The following TAP1 variants were observed in gnomAD, a reference collection of about 807,000 sequenced individuals.
TAP1 encodes the protein antigen peptide transporter 1.
Under a neutral mutation model 79.3 loss-of-function variants are expected in TAP1, and 56 were observed. That is an observed-to-expected ratio of 0.71 (90% CI 0.57 to 0.88). The LOEUF (loss-of-function observed/expected upper bound fraction) is 0.88. Among genes scored for constraint, TAP1 ranks in the 40% least tolerant of loss-of-function variants. The pLI, the probability that TAP1 is intolerant of heterozygous loss-of-function variation, is 0.00. For synonymous variants in TAP1, 355 were observed against 401.4 expected (o/e 0.88, Z 1.38); for missense variants, 737 against 936.3 (o/e 0.79, Z 2.78).
chr6:32,848,108 G>A lies in TAP1; in HGVS notation c.1567-16C>T. The A allele has an allele frequency of 6.3e-7, 1 of 1,582,152 alleles. No individual in the cohort carries two copies. The highest frequency in any genetic ancestry group is 8.6e-7 in the Non-Finnish European group (1 of 1,164,052). On this transcript the variant is annotated splice_polypyrimidine_tract_variant and intron_variant, in intron 7 of 10. Coordinates refer to ENST00000354258, the MANE Select transcript of TAP1 (RefSeq NM_000593.6). ...ATGTCAGCCCCTAGAGGCCAGAGAA[G>A]CACACGATAAGAGGCTACCAAGGCC...
At chr6:32,848,114 G>A (rs775065564) in intron 7 of TAP1, 22 bp from the exon 8 acceptor site, 8 of 1,575,686 alleles carry the variant, frequency 5.1e-6, no homozygotes, top group South Asian at 3.4e-5. Context: ...AGAAGCACAC[G>A]ATAAGAGGCT....
chr6:32,845,362 C>A lies in TAP1; in HGVS notation c.*217G>T. 1.6e-6 allele frequency: 1 copy of A among 630,566 alleles called. No homozygotes were observed. The highest frequency in any genetic ancestry group is 2.8e-6 in the Non-Finnish European group (1 of 352,362). The allele number at this position is 630,566 out of a possible 1,614,324, so 39.1% of individuals were successfully genotyped here. ...GTGCTGGCCACACCAAAGCATCAGC[C>A]CTGGCTCTAAACTCCGTTACAGTAA... On this transcript the variant is annotated 3_prime_UTR_variant, in exon 11 of 11. Coordinates refer to ENST00000354258, the MANE Select transcript of TAP1 (RefSeq NM_000593.6). This position sits in a 1 kb window ranked among gnomAD's most constrained non-coding sequence, Gnocchi z 4.5.
In TAP1 at chr6:32,852,847, C is replaced by T. The variant is rs1416378050; in HGVS notation, c.598+192G>A. 2 of 1,441,082 alleles carry T rather than the reference C, an allele frequency of 1.4e-6. No homozygotes were observed. Among genetic ancestry groups the T allele is most frequent in the East Asian group, 2.5e-5 (1 of 40,256 alleles). 89.3% of individuals were successfully genotyped at this position (1,441,082 alleles called of 1,614,324 possible). ...ATCAAGACCCGGTCAGCAATGGAGC[C>T]CAGAACCTCTGGCCCCCGCCAGTCC... On this transcript the variant is annotated intron_variant, in intron 1 of 10. Transcript: ENST00000354258. The surrounding 1 kb of genome is among the most constrained non-coding windows in gnomAD (Gnocchi z 4.8).
Position 32,847,437 on chromosome 6 carries a change from G to C in TAP1, c.1903+76C>G. ...TGATGTCCATGAGTAAGGAGGAACT[G>C]AAGGATAAAGGCAAGACTACTGGGG... On this transcript the variant is annotated intron_variant, in intron 9 of 10. Transcript: ENST00000354258. The surrounding 1 kb of genome is among the most constrained non-coding windows in gnomAD (Gnocchi z 4.7). 2 of 1,600,300 alleles carry C rather than the reference G, an allele frequency of 1.2e-6. No homozygotes were observed. The highest frequency in any genetic ancestry group is 1.1e-5 in the South Asian group (1 of 90,758).
At chr6:32,846,058 T>G in intron 10 of TAP1, 1 of 550,184 alleles carries the variant, frequency 1.8e-6, no homozygotes, top group South Asian at 2.2e-5. Context: ...AGTCCTCTTC[T>G]CTACCCATGG....
At position 32,845,289 on chromosome 6, in the gene TAP1, A is replaced by G. The variant is rs1770285403; in HGVS notation, c.*290T>C. On this transcript the variant is annotated 3_prime_UTR_variant, in exon 11 of 11. Transcript: ENST00000354258. The surrounding 1 kb of genome is among the most constrained non-coding windows in gnomAD (Gnocchi z 4.5). ...AGCATATGCCTTCAGTTATGTTGAA[A>G]ATAGCTGATCATCTTTCCGTACATT... 1.8e-6 allele frequency: 1 copy of G among 557,842 alleles called. No individual in the cohort carries two copies. The highest frequency in any genetic ancestry group is 3.2e-6 in the Non-Finnish European group (1 of 311,508). The allele number at this position is 557,842 out of a possible 1,614,324, so 34.6% of individuals were successfully genotyped here.
At chr6:32,848,573 A>C (rs1207983904) in intron 7 of TAP1, 79 bp downstream of exon 7, 21 of 1,453,924 alleles carry the variant, frequency 1.4e-5, no homozygotes, top group Non-Finnish European at 1.9e-5. Context: ...GGCAGTAAGC[A>C]GGCTGAAGGC....
chr6:32,851,921 G>T lies in TAP1; in HGVS notation c.844+188C>A, dbSNP rs918764619. On this transcript the variant is annotated intron_variant, in intron 3 of 10. Transcript: ENST00000354258. The surrounding 1 kb of genome is among the most constrained non-coding windows in gnomAD (Gnocchi z 4.8). Reference sequence around the variant, plus strand: ...GAGAAAAACAATTGTGTGTGTGTGTGTGTGAGAGAGAGAGAGAGAGAGACA... The same window carrying T: ...GAGAAAAACAATTGTGTGTGTGTGTTTGTGAGAGAGAGAGAGAGAGAGACA... Among the ~76,000 whole-genome samples, 3 of 129,122 alleles carry T rather than the reference G, an allele frequency of 2.3e-5. No homozygotes were observed. The highest frequency in any genetic ancestry group is 5.1e-5 in the Non-Finnish European group (3 of 58,350). The allele number at this position is 129,122 out of a possible 152,430, so 84.7% of individuals were successfully genotyped here.
Position 32,847,323 on chromosome 6 carries a change from C to A in TAP1, c.1904-119G>T. The A allele has an allele frequency of 6.5e-7, 1 of 1,532,022 alleles. No homozygotes were observed. 94.9% of individuals were successfully genotyped at this position (1,532,022 alleles called of 1,614,324 possible). A position where few individuals can be genotyped will look rare whatever the true frequency, so the allele number is the denominator to read the frequency against. ...ACACACCAAGATCTGACGGTTGTAG[C>A]TGGATAGGGGAGATTCTGGGAAGAT... On this transcript the variant is annotated intron_variant, in intron 9 of 10. Coordinates refer to ENST00000354258, the MANE Select transcript of TAP1 (RefSeq NM_000593.6). The surrounding 1 kb of genome is among the most constrained non-coding windows in gnomAD (Gnocchi z 4.7).
At position 32,852,108 on chromosome 6, in the gene TAP1, C is replaced by G; in HGVS notation, c.844+1G>C. The G allele has an allele frequency of 6.2e-7, 1 of 1,612,904 alleles. No individual in the cohort carries two copies. The highest frequency in any genetic ancestry group is 8.5e-7 in the Non-Finnish European group (1 of 1,180,004). On this transcript the variant is annotated splice_donor_variant, in intron 3 of 10. Coordinates refer to ENST00000354258, the MANE Select transcript of TAP1 (RefSeq NM_000593.6). LOFTEE classifies it high-confidence loss of function. This position sits in a 1 kb window ranked among gnomAD's most constrained non-coding sequence, Gnocchi z 4.8. ...TATAATGAAAGAGTTTCAGGAGAAACCTGTCTGGTTCTGTTGGAAAAACTC... is the reference window on the plus strand; with the variant it reads ...TATAATGAAAGAGTTTCAGGAGAAAGCTGTCTGGTTCTGTTGGAAAAACTC...
Position 32,851,273 on chromosome 6 carries a change from A to C in TAP1, c.845-124T>G. On this transcript the variant is annotated intron_variant, in intron 3 of 10. Transcript: ENST00000354258. The surrounding 1 kb of genome is among the most constrained non-coding windows in gnomAD (Gnocchi z 4.8). The stretch of plus-strand genomic sequence containing the variant: ...CATGGGGTTCTAAGGAGGCTGCAGG[A>C]AACAAGGTTAGGGTTCTCCAGAGGT... 1.1e-6 allele frequency: 1 copy of C among 926,438 alleles called. No individual in the cohort carries two copies. Among genetic ancestry groups the C allele is most frequent in the South Asian group, 1.4e-5 (1 of 71,030 alleles). The allele number at this position is 926,438 out of a possible 1,614,324, so 57.4% of individuals were successfully genotyped here.
At chr6:32,846,855 T>C (rs1279926365) in intron 10 of TAP1, among the ~76,000 whole-genome samples, 2 of 151,948 alleles carry the variant, frequency 1.3e-5, no homozygotes, top group Admixed American at 6.6e-5. Flanking sequence ...ATTCAGTCTG[T>C]AGTTTGTAGA....
In TAP1 at chr6:32,847,153, G is replaced by A. The variant is rs1458831913; in HGVS notation, c.1955C>T (p.Ala652Val). The change falls in exon 10 of 11, where the codon GCG becomes GTG. Residue 652 changes from alanine to valine, a missense_variant. This residue lies in a region of TAP1 where 266 missense variants were observed against 332.4 expected (regional missense o/e 0.80). Coordinates refer to ENST00000354258, the MANE Select transcript of TAP1 (RefSeq NM_000593.6). The surrounding 1 kb of genome is among the most constrained non-coding windows in gnomAD (Gnocchi z 4.7). Reference protein sequence around the residue: ...QLSGGQRQAVALARALIRKPC... With the variant: ...QLSGGQRQAVVLARALIRKPC... ...TTTCCGGATCAATGCTCGGGCCAAC[G>A]CCACTGCCTGTCGCTGACCCCCTGA... is the stretch of plus-strand genomic sequence containing the variant. The A allele has an allele frequency of 1.8e-5, 29 of 1,612,622 alleles. No homozygotes were observed. Among genetic ancestry groups the A allele is most frequent in the Non-Finnish European group, 2.2e-5 (26 of 1,180,038 alleles).
chr6:32,850,958 C>T lies in TAP1; in HGVS notation c.1036G>A (p.Gly346Arg). 6.2e-7 allele frequency: 1 copy of T among 1,612,770 alleles called. No individual in the cohort carries two copies. The highest frequency in any genetic ancestry group is 8.5e-7 in the Non-Finnish European group (1 of 1,179,994). Residue 346 changes from glycine (G) to arginine (R), a missense_variant, in exon 4 of 11, where the codon GGA becomes AGA. Gly to Arg is a moderately radical substitution (Grantham distance 125). This residue lies in a region of TAP1 where 406 missense variants were observed against 477.2 expected (regional missense o/e 0.85). Transcript: ENST00000354258. This position sits in a 1 kb window ranked among gnomAD's most constrained non-coding sequence, Gnocchi z 5.5. Reference protein sequence around the residue: ...PLLFLLPKKVGKWYQLLEVQV... With the variant: ...PLLFLLPKKVRKWYQLLEVQV... The stretch of plus-strand genomic sequence containing the variant: ...CATGAACATACCTGGTACCATTTTC[C>T]CACCTTCTTGGGCAGAAGGAAAAGC...
chr6:32,848,652 C>G lies in TAP1; in HGVS notation c.1566G>C (p.Gln522His). The change falls in exon 7 of 11, where the codon CAG (glutamine) becomes CAC (histidine). Residue 522 changes from glutamine (Q) to histidine (H), a missense_variant and splice_region_variant. Around this residue, in one of 5 missense-constraint regions of TAP1, gnomAD observed 266 missense variants for 332.4 expected, o/e 0.80. Transcript: ENST00000354258. ...YPNRPDVLVL[Q>H]GLTFTLRPGE... ...GAATACAGGGAGTGGTAGGTTGTAC[C>G]TGTAGCACTAAGACATCTGGGCGGT... 6.2e-7 allele frequency: 1 copy of G among 1,613,916 alleles called. No individual in the cohort carries two copies. Among genetic ancestry groups the G allele is most frequent in the Non-Finnish European group, 8.5e-7 (1 of 1,180,012 alleles).
Position 32,853,547 on chromosome 6 carries a change from G to A in TAP1, c.90C>T (p.Leu30=), listed in dbSNP as rs140686148. ...LAWLGTVLLL[L]ADWVLLRTAL... is the part of the protein sequence containing the mutation. ...CGGTCCGGAGCAGCACCCAGTCGGC[G>A]AGAAGTAGCAGTACTGTCCCCAGCC... The change falls in exon 1 of 11, where the codon CTC becomes CTT. Residue 30 remains leucine, a synonymous_variant. Transcript: ENST00000354258. This position sits in a 1 kb window ranked among gnomAD's most constrained non-coding sequence, Gnocchi z 8.3. The A allele has an allele frequency of 5.0e-6, 8 of 1,610,388 alleles. No individual in the cohort carries two copies. In the African/African-American group the frequency reaches 5.3e-5, roughly 11 times the overall value.
chr6:32,846,269 T>C, intron 10 of TAP1: 1 of 191,948 alleles, frequency 5.2e-6, no homozygotes, highest in Non-Finnish European at 1.1e-5. Flanking sequence ...CTCAGAAGGA[T>C]TCCTAATGAA....
Position 32,852,121 on chromosome 6 carries a change from G to C in TAP1, c.832C>G (p.Gln278Glu). 1 of 1,613,030 alleles carries C rather than the reference G, an allele frequency of 6.2e-7. No homozygotes were observed. Among genetic ancestry groups the C allele is most frequent in the South Asian group, 1.1e-5 (1 of 91,084 alleles). The change falls in exon 3 of 11, where the codon CAG (glutamine) becomes GAG (glutamate). Residue 278 changes from glutamine (Q) to glutamate (E), a missense_variant. Gln to Glu is a conservative substitution (Grantham distance 29, BLOSUM62 2). Around this residue, in one of 5 missense-constraint regions of TAP1, gnomAD observed 406 missense variants for 477.2 expected, o/e 0.85. Coordinates refer to ENST00000354258, the MANE Select transcript of TAP1 (RefSeq NM_000593.6). This position sits in a 1 kb window ranked among gnomAD's most constrained non-coding sequence, Gnocchi z 4.8. ...TTTCAGGAGAAACCTGTCTGGTTCT[G>C]TTGGAAAAACTCCGTCTCCTGGCGC... ...VLRQETEFFQ[Q>E]NQTGNIMSRV... is the part of the protein sequence containing the mutation.
rs752553751 is a variant in TAP1, at chr6:32,845,843, CTG to C, written c.2041-60_2041-59del. Reference sequence around the variant, plus strand: ...GACTACCCTCAGCCCAGGGAGACACCTGTGTTTCCAGGGCTGGGACTGACCTC... The same window carrying C: ...GACTACCCTCAGCCCAGGGAGACACCTGTTTCCAGGGCTGGGACTGACCTC... On this transcript the variant is annotated intron_variant, in intron 10 of 10. Transcript: ENST00000354258. This position sits in a 1 kb window ranked among gnomAD's most constrained non-coding sequence, Gnocchi z 4.5. 4.0e-4 allele frequency: 589 copies of C among 1,472,188 alleles called. No homozygotes were observed. The highest frequency in any genetic ancestry group is 5.1e-4 in the Non-Finnish European group (544 of 1,071,044). 91.2% of individuals were successfully genotyped at this position (1,472,188 alleles called of 1,614,324 possible).
Sources: allele counts gnomAD v4.1 joint callset (sites outside exome capture counted in the v4.1 genomes callset), GRCh38; gene constraint gnomAD v4.1.1; regional missense constraint gnomAD v4.1.1; non-coding constraint Gnocchi (gnomAD v3.1); transcripts MANE v1.5; gene names NCBI Gene and HGNC (gene_info 2026-07-23, HGNC 2026-07-21).